Variants in PCDH15 observed in about 807,000 individuals in gnomAD.
The protein encoded by PCDH15 is protocadherin related 15, also known as protocadherin-15.
A neutral mutation model predicts 178.5 loss-of-function variants in PCDH15; 129 were observed. The ratio of observed to expected loss-of-function variants is 0.72; its 90% CI spans 0.63 to 0.84. PCDH15 has a LOEUF of 0.84. Ranked by LOEUF, PCDH15 falls within the 40% of genes least tolerant of loss-of-function variation. The probability of loss-of-function intolerance (pLI) is 0.00; values close to 1 mark genes in which losing one functional copy is unlikely to be tolerated. For synonymous variants in PCDH15, 800 were observed against 732.0 expected (o/e 1.09, Z -1.50); for missense variants, 2,230 against 2,099.9 (o/e 1.06, Z -1.21).
chr10:54,985,456 C>T (rs569580475), intron 2 of PCDH15, among the ~76,000 whole-genome samples: 1 of 152,256 alleles, frequency 6.6e-6, no homozygotes, highest in African/African-American at 2.4e-5. Context: ...GAAAATACCA[C>T]AAGTTGAAAA....
chr10:53,976,349 A>C (rs1447929620), intron 21 of PCDH15, among the ~76,000 whole-genome samples: 1 of 152,170 alleles, frequency 6.6e-6, no homozygotes, highest in African/African-American at 2.4e-5. Context: ...AGAGTATAAA[A>C]AATGAAAAAG....
intron 13 of PCDH15, among the ~76,000 whole-genome samples, chr10:54,169,636 A>C (rs2046659155): frequency 6.7e-6 from 1 of 149,790 alleles, no homozygotes. Context: ...GTATCCCCCC[A>C]CCTTAACCTA....
In PCDH15 at chr10:55,484,696, A is replaced by C. The variant is rs529470934; in HGVS notation, c.-156+142929T>G. Reference sequence around the variant, plus strand: ...AGTTACTGGCATAAAAACAGACACCAGAGAAACAGAATAGGGAACCCAGAT... The same window carrying C: ...AGTTACTGGCATAAAAACAGACACCCGAGAAACAGAATAGGGAACCCAGAT... On this transcript the variant is annotated intron_variant, in intron 2 of 5. Transcript: ENST00000613346. Among the ~76,000 whole-genome samples the C allele has an allele frequency of 5.9e-5, 9 of 151,836 alleles. No homozygotes were observed. The South Asian group carries it at 1.9e-3, about 32-fold the overall frequency.
intron 2 of PCDH15, among the ~76,000 whole-genome samples, chr10:55,084,216 A>C (rs1377612693): frequency 6.6e-6 from 1 of 151,830 alleles, no homozygotes; most frequent in Non-Finnish European, 1.5e-5. Flanking sequence ...TATTGTAAAC[A>C]AAGTGGTAGA....
chr10:54,516,994 A>G (rs1023169670), intron 3 of PCDH15, among the ~76,000 whole-genome samples: 14 of 152,088 alleles, frequency 9.2e-5, no homozygotes, highest in Non-Finnish European at 1.3e-4. Context: ...AAAATACTTT[A>G]CAGACAAGCA....
At chr10:54,691,237 A>C (rs959084679) in intron 1 of PCDH15, among the ~76,000 whole-genome samples, 1 of 152,108 alleles carries the variant, frequency 6.6e-6, no homozygotes, top group Non-Finnish European at 1.5e-5. Flanking sequence ...AGCAGCCTAC[A>C]CATAATTTGG....
chr10:54,267,956 A>G (rs749064673), intron 8 of PCDH15, among the ~76,000 whole-genome samples: 3 of 151,962 alleles, frequency 2.0e-5, no homozygotes, highest in Non-Finnish European at 2.9e-5. Context: ...ACTAAAAAAG[A>G]GCCTGAATAG....
At chr10:53,935,557 T>C (rs969013106) in intron 25 of PCDH15, among the ~76,000 whole-genome samples, 1 of 152,162 alleles carries the variant, frequency 6.6e-6, no homozygotes, top group Non-Finnish European at 1.5e-5. Context: ...GTAAAATGAA[T>C]TTTATGGGAG....
chr10:55,255,232 T>C (rs929895942), intron 1 of PCDH15, among the ~76,000 whole-genome samples: 9 of 40,754 alleles, frequency 2.2e-4, no homozygotes, highest in African/African-American at 4.4e-4. Flanking sequence ...GATAGTTTGC[T>C]GAGAATGATG....
intron 8 of PCDH15, among the ~76,000 whole-genome samples, chr10:54,261,059 T>C (rs1034613169): frequency 2.6e-5 from 4 of 152,208 alleles, no homozygotes; most frequent in Non-Finnish European, 5.9e-5. Context: ...ATTTAAATAC[T>C]GACAAGTATT....
chr10:55,459,676 A>G (rs896478409), intron 2 of PCDH15, among the ~76,000 whole-genome samples: 1 of 152,052 alleles, frequency 6.6e-6, no homozygotes, highest in Non-Finnish European at 1.5e-5. Flanking sequence ...TGGAGAATCA[A>G]AAAGATATTT....
At chr10:55,187,036 T>A (rs2132141134) in intron 1 of PCDH15, among the ~76,000 whole-genome samples, 1 of 152,078 alleles carries the variant, frequency 6.6e-6, no homozygotes, top group Admixed American at 6.6e-5. Context: ...ATTTTTTCTA[T>A]ATTTAATCAA....
intron 2 of PCDH15, among the ~76,000 whole-genome samples, chr10:55,606,429 G>A (rs1339097492): frequency 7.3e-5 from 11 of 151,374 alleles, no homozygotes; most frequent in South Asian, 4.2e-4. Flanking sequence ...AAAAGAGCCC[G>A]CATTGCCAAG....
chr10:53,840,955 G>A (rs1002590970), intron 28 of PCDH15, among the ~76,000 whole-genome samples: 1 of 152,072 alleles, frequency 6.6e-6, no homozygotes, highest in Non-Finnish European at 1.5e-5. Flanking sequence ...TTTCCCAAAG[G>A]TATAAAAATC....
At chr10:54,171,976 C>A (rs1370021782) in intron 13 of PCDH15, among the ~76,000 whole-genome samples, 1 of 150,978 alleles carries the variant, frequency 6.6e-6, no homozygotes, top group Non-Finnish European at 1.5e-5. Flanking sequence ...TCTCTCCATA[C>A]CACCCCCCAA....
intron 2 of PCDH15, among the ~76,000 whole-genome samples, chr10:55,101,654 A>G (rs559198696): frequency 1.8e-3 from 267 of 151,948 alleles, no homozygotes; most frequent in Admixed American, 3.3e-3. Flanking sequence ...TTTTAGATCT[A>G]GTTTGTAAAG....
intron 2 of PCDH15, among the ~76,000 whole-genome samples, chr10:55,153,357 G>A (rs556638852): frequency 7.2e-5 from 11 of 152,216 alleles, no homozygotes; most frequent in East Asian, 1.9e-4. Context: ...ACCTTGACAC[G>A]GGCTGCATCA....
chr10:54,183,108 A>G (rs1476345635), intron 13 of PCDH15, among the ~76,000 whole-genome samples: 1 of 151,958 alleles, frequency 6.6e-6, no homozygotes, highest in East Asian at 1.9e-4. Flanking sequence ...CAGCCTCCTG[A>G]GTAGCTGGGA....
chr10:54,809,435 T>C (rs2384578), intron 3 of PCDH15, among the ~76,000 whole-genome samples: 105,926 of 151,962 alleles, frequency 0.7, 37,085 homozygotes, highest in Admixed American at 0.77. Context: ...AATGCTTCAA[T>C]TTTTAGCATT....
Sources: allele counts gnomAD v4.1 joint callset (sites outside exome capture counted in the v4.1 genomes callset), GRCh38; gene constraint gnomAD v4.1.1; transcripts MANE v1.5; gene names NCBI Gene and HGNC (gene_info 2026-07-23, HGNC 2026-07-21).